Variants in HRH1 observed in about 807,000 individuals in gnomAD.
HRH1 encodes histamine receptor H1, also known as histamine H1 receptor.
HRH1 carries 6 observed loss-of-function variants against 10.3 expected under a neutral mutation model. The ratio of observed to expected loss-of-function variants is 0.58; its 90% CI spans 0.32 to 1.15. The LOEUF is 1.15. HRH1 is among the 50% of genes most tolerant of loss of function. The probability of loss-of-function intolerance (pLI) is 0.05; values close to 1 mark genes in which losing one functional copy is unlikely to be tolerated. For missense variants in HRH1, 514 were observed against 615.3 expected, an observed-to-expected ratio of 0.84 and a Z score of 1.74; for synonymous variants, 242 against 236.7, an observed-to-expected ratio of 1.02 and a Z score of -0.21.
intron 1 of HRH1, among the ~76,000 whole-genome samples, chr3:11,249,602 C>T (rs1939584596): frequency 6.6e-6 from 1 of 152,118 alleles, no homozygotes; most frequent in Admixed American, 6.5e-5. Context: ...CAGGATTACA[C>T]TGGTTATATT....
At chr3:11,162,669 C>A (rs1936949926) in intron 1 of HRH1, among the ~76,000 whole-genome samples, 1 of 151,866 alleles carries the variant, frequency 6.6e-6, no homozygotes, top group Admixed American at 6.6e-5. Flanking sequence ...TTGCTGTCAT[C>A]CAGATGGGAG....
intron 1 of HRH1, among the ~76,000 whole-genome samples, chr3:11,208,754 G>A (rs1170829115): frequency 6.6e-6 from 1 of 152,216 alleles, no homozygotes; most frequent in Admixed American, 6.5e-5. Context: ...CCATCCCGGT[G>A]TTCTTGTGTG....
chr3:11,161,558 C>T (rs1936922422), intron 1 of HRH1, among the ~76,000 whole-genome samples: 1 of 152,170 alleles, frequency 6.6e-6, no homozygotes, highest in Non-Finnish European at 1.5e-5. Context: ...TGGTGTCTGA[C>T]TACTTGAGTG....
chr3:11,155,295 G>T (rs1936762012), intron 1 of HRH1, among the ~76,000 whole-genome samples: 1 of 152,146 alleles, frequency 6.6e-6, no homozygotes, highest in South Asian at 2.1e-4. Flanking sequence ...AAAATGAGTG[G>T]ATATTATGGC....
chr3:11,247,282 G>A (rs369087545), intron 1 of HRH1, among the ~76,000 whole-genome samples: 93 of 152,246 alleles, frequency 6.1e-4, no homozygotes, highest in African/African-American at 2.0e-3. Flanking sequence ...GCCTGGTGCC[G>A]CAAAGAAAAA....
intron 1 of HRH1, among the ~76,000 whole-genome samples, chr3:11,196,322 C>A (rs1937648941): frequency 6.6e-6 from 1 of 152,236 alleles, no homozygotes. Context: ...CCTCTTCAGC[C>A]TCCCTAAGCA....
At chr3:11,198,539 T>G (rs1250504937) in intron 1 of HRH1, among the ~76,000 whole-genome samples, 1 of 152,058 alleles carries the variant, frequency 6.6e-6, no homozygotes, top group Non-Finnish European at 1.5e-5. Context: ...AGTGCCATTC[T>G]CTGAGATGGA....
intron 1 of HRH1, among the ~76,000 whole-genome samples, chr3:11,217,336 C>T (rs1938544519): frequency 6.6e-6 from 1 of 151,940 alleles, no homozygotes; most frequent in Non-Finnish European, 1.5e-5. Context: ...TCAAGACCAG[C>T]CTGGCCAACA....
At chr3:11,194,801 C>T (rs149112855) in intron 1 of HRH1, among the ~76,000 whole-genome samples, 28 of 152,214 alleles carry the variant, frequency 1.8e-4, no homozygotes, top group African/African-American at 6.0e-4. Flanking sequence ...GGCGACAGAG[C>T]GCGACTCTGT....
intron 1 of HRH1, among the ~76,000 whole-genome samples, chr3:11,223,311 G>A (rs1446220060): frequency 2.0e-5 from 3 of 149,866 alleles, no homozygotes; most frequent in African/African-American, 7.4e-5. Flanking sequence ...GGCTAACATG[G>A]TGAAACCCCA....
At chr3:11,157,095 G>GA (rs1465164308) in intron 1 of HRH1, among the ~76,000 whole-genome samples, 37 of 152,224 alleles carry the variant, frequency 2.4e-4, no homozygotes, top group South Asian at 8.3e-4. Flanking sequence ...GCTTTGTTCT[G>GA]ACGAGCATGG....
At chr3:11,241,835 C>CAA (rs766585585) in intron 1 of HRH1, among the ~76,000 whole-genome samples, 7 of 113,894 alleles carry the variant, frequency 6.1e-5, no homozygotes, top group African/African-American at 1.3e-4. Context: ...GACTCCGTTT[C>CAA]AAAAAAAAAA....
In HRH1 at chr3:11,245,210, G is replaced by A. The variant is rs538354591; in HGVS notation, c.-35-13793G>A. Among the ~76,000 whole-genome samples, 58 of 152,160 alleles carry A rather than the reference G, an allele frequency of 3.8e-4. No individual in the cohort carries two copies. The South Asian group carries it at 4.4e-3, about 11-fold the overall frequency. On this transcript the variant is annotated intron_variant, in intron 1 of 1. Coordinates refer to ENST00000431010, the MANE Select transcript of HRH1 (RefSeq NM_001098212.2). ...TCTACTAAAAATACAAAAATTAGCC[G>A]GGTATGGTGCTGCACACCTGTAGTC...
chr3:11,234,075 A>G (rs1335527524), intron 1 of HRH1, among the ~76,000 whole-genome samples: 1 of 151,812 alleles, frequency 6.6e-6, no homozygotes, highest in Non-Finnish European at 1.5e-5. Flanking sequence ...TACAACTCCC[A>G]TTTTTTTTCA....
intron 1 of HRH1, among the ~76,000 whole-genome samples, chr3:11,170,443 T>G (rs1412135886): frequency 6.6e-6 from 1 of 152,208 alleles, no homozygotes; most frequent in Non-Finnish European, 1.5e-5. Context: ...CACCCCACAC[T>G]GGGCAGTGGG....
At chr3:11,217,118 G>A (rs554046980) in intron 1 of HRH1, among the ~76,000 whole-genome samples, 100 of 151,918 alleles carry the variant, frequency 6.6e-4, no homozygotes, top group African/African-American at 2.0e-3. Context: ...CCCAGGAGGC[G>A]GAGGTTACAG....
At chr3:11,214,411 A>G (rs1559273864) in intron 1 of HRH1, among the ~76,000 whole-genome samples, 1 of 152,136 alleles carries the variant, frequency 6.6e-6, no homozygotes, top group African/African-American at 2.4e-5. Context: ...CCTGCAAATA[A>G]CTCTGAATGG....
chr3:11,176,581 C>A (rs1042141385), intron 1 of HRH1, among the ~76,000 whole-genome samples: 1 of 152,192 alleles, frequency 6.6e-6, no homozygotes, highest in Non-Finnish European at 1.5e-5. Context: ...GTATGGCCTA[C>A]TAGCGGACCT....
At chr3:11,151,607 CCCTCCTGAG>C, upstream of HRH1, among the ~76,000 whole-genome samples, 1 of 152,226 alleles carries the variant, frequency 6.6e-6, no homozygotes, top group Admixed American at 6.5e-5. Context: ...AAGCAATCCT[CCCTCCTGAG>C]CCTCCTGAGT....
Sources: gnomAD v4.1 joint callset for allele counts (sites outside exome capture counted in the v4.1 genomes callset) on GRCh38, gnomAD v4.1.1 for gene constraint, MANE v1.5 for transcripts, NCBI Gene and HGNC (gene_info 2026-07-23, HGNC 2026-07-21) for gene names.